The following CENPA variants were observed in gnomAD, a reference collection of about 807,000 sequenced individuals.
CENPA encodes the protein histone H3-like centromeric protein A.
Under a neutral mutation model 17.2 loss-of-function variants are expected in CENPA, and 7 were observed. The observed-to-expected ratio is 0.41, with a 90% CI of 0.23 to 0.76. The LOEUF is 0.76. CENPA is among the 30% of genes least tolerant of loss of function. CENPA has a pLI of 0.34. For synonymous variants in CENPA, 82 were observed against 77.4 expected (o/e 1.06, Z -0.31); for missense variants, 149 against 193.1 (o/e 0.77, Z 1.35).
intron 2 of CENPA, 35 bp downstream of exon 2, chr2:26,792,275 C>T: frequency 2.0e-6 from 3 of 1,532,210 alleles, no homozygotes; most frequent in Non-Finnish European, 2.7e-6. Context: ...ACCCCTATGC[C>T]ACCCTCCTTT....
chr2:26,793,374 A>C, intron 4 of CENPA, 48 bp downstream of exon 4: 1 of 1,509,910 alleles, frequency 6.6e-7, no homozygotes, highest in Non-Finnish European at 8.9e-7. Context: ...TTCTCAAGTA[A>C]TTTCCTTTCT....
rs532970049 is a variant in CENPA at position 26,789,567 on chromosome 2, C to A, written c.101-2564C>A. On this transcript the variant is annotated intron_variant, in intron 1 of 4. Transcript: ENST00000335756. ...TACCTATATCTAACTGCCTTTCTAC[C>A]TGAAGGCTCTTGGTTATGTTAAACT... 2.0e-5 allele frequency among the ~76,000 whole-genome samples: 3 copies of A among 152,138 alleles called. No homozygotes were observed. In the South Asian group the frequency reaches 6.2e-4, roughly 32 times the overall value.
intron 4 of CENPA, among the ~76,000 whole-genome samples, 160 bp downstream of exon 4, chr2:26,793,486 A>G (rs1361306582): frequency 3.3e-5 from 5 of 152,192 alleles, no homozygotes; most frequent in African/African-American, 1.2e-4. Context: ...CTTTTGTGCA[A>G]TGTTAGATAA....
intron 1 of CENPA, among the ~76,000 whole-genome samples, chr2:26,787,909 A>G (rs566371788): frequency 1.3e-5 from 2 of 152,242 alleles, no homozygotes; most frequent in South Asian, 4.1e-4. Flanking sequence ...TAACTTTTGA[A>G]TCTTCCGTTT....
At position 26,786,066 on chromosome 2, in the gene CENPA, C is replaced by T. The variant is rs980878381; in HGVS notation, c.-131C>T. Reference sequence around the variant, plus strand: ...GAACGCGAGCGGCGCGGACTTCTGCCAAGCACCGGCTCATGTGAGGCTCGC... The same window carrying T: ...GAACGCGAGCGGCGCGGACTTCTGCTAAGCACCGGCTCATGTGAGGCTCGC... On this transcript the variant is annotated 5_prime_UTR_variant, in exon 1 of 5. Transcript: ENST00000335756. 29 of 1,244,132 alleles carry T rather than the reference C, an allele frequency of 2.3e-5. No individual in the cohort carries two copies. The highest frequency in any genetic ancestry group is 2.9e-5 in the Non-Finnish European group (29 of 984,188). 77.1% of individuals were successfully genotyped at this position (1,244,132 alleles called of 1,614,324 possible).
In CENPA at chr2:26,793,293, G is replaced by C; in HGVS notation, c.*14G>C. 1 of 1,613,252 alleles carries C rather than the reference G, an allele frequency of 6.2e-7. No individual in the cohort carries two copies. The highest frequency in any genetic ancestry group is 1.1e-5 in the South Asian group (1 of 90,948). On this transcript the variant is annotated 3_prime_UTR_variant, in exon 4 of 5. Coordinates refer to ENST00000335756, the MANE Select transcript of CENPA (RefSeq NM_001809.4). ...GGACTCGGCTGAGCTCCTGCACCCA[G>C]TGTTTCTGTCAGTCTTTCCTGCTCA...
chr2:26,788,212 T>G (rs2148065942), intron 1 of CENPA, among the ~76,000 whole-genome samples: 1 of 152,306 alleles, frequency 6.6e-6, no homozygotes, highest in East Asian at 1.9e-4. Flanking sequence ...AGTGCAGTGG[T>G]GCTATCTTGG....
At chr2:26,786,750 T>C (rs1664514968) in intron 1 of CENPA, among the ~76,000 whole-genome samples, 1 of 152,270 alleles carries the variant, frequency 6.6e-6, no homozygotes, top group Non-Finnish European at 1.5e-5. Flanking sequence ...GCAAAAGTAT[T>C]GACTGCTTTC....
At position 26,793,981 on chromosome 2, in the gene CENPA, G is replaced by A. The variant is rs925871636; in HGVS notation, c.*217G>A. ...CCTCTGTAACAGAGGTAATATATGA[G>A]ACAATCAACACCGTTCCAAAGGCCT... On this transcript the variant is annotated 3_prime_UTR_variant, in exon 5 of 5. Transcript: ENST00000335756. 6.6e-6 allele frequency: 1 copy of A among 152,156 alleles called. No homozygotes were observed. Among genetic ancestry groups the A allele is most frequent in the African/African-American group, 2.4e-5 (1 of 41,412 alleles). 9.4% of individuals were successfully genotyped at this position (152,156 alleles called of 1,614,324 possible).
At chr2:26,787,954 A>T (rs1015455740) in intron 1 of CENPA, among the ~76,000 whole-genome samples, 2 of 152,074 alleles carry the variant, frequency 1.3e-5, no homozygotes, top group Non-Finnish European at 2.9e-5. Context: ...ATTGTATGGT[A>T]CTAGTAAGGC....
At chr2:26,786,787 T>C (rs563800076) in intron 1 of CENPA, among the ~76,000 whole-genome samples, 1 of 152,308 alleles carries the variant, frequency 6.6e-6, no homozygotes, top group South Asian at 2.1e-4. Context: ...AGGAGTCCTC[T>C]TAGGAGGTGT....
intron 1 of CENPA, among the ~76,000 whole-genome samples, chr2:26,787,880 CTA>C (rs1289786422): frequency 2.0e-5 from 3 of 151,968 alleles, no homozygotes; most frequent in African/African-American, 7.2e-5. Flanking sequence ...TTTAAGTAGA[CTA>C]TTATGTCATC....
intron 3 of CENPA, 100 bp from the exon 4 acceptor site, chr2:26,793,045 C>A (rs1664649188): frequency 2.0e-6 from 3 of 1,495,432 alleles, no homozygotes; most frequent in Admixed American, 1.8e-5. Flanking sequence ...TAGTTTCCTA[C>A]AATCCTTTGA....
chr2:26,792,799 A>G lies in CENPA; in HGVS notation c.254A>G (p.Asn85Ser), dbSNP rs148316156. 1.6e-4 allele frequency: 256 copies of G among 1,614,176 alleles called. No individual in the cohort carries two copies. In the African/African-American group the frequency reaches 2.5e-3, roughly 15 times the overall value. The change falls in exon 3 of 5, where the codon AAT becomes AGT. Residue 85 changes from asparagine (N) to serine (S), a missense_variant. Around this residue, in one of 2 missense-constraint regions of CENPA, gnomAD observed 54 missense variants for 105.7 expected, o/e 0.51. Transcript: ENST00000335756. The part of the protein sequence containing the change: ...CVKFTRGVDF[N>S]WQAQALLALQ... ...AAATTCACTCGTGGTGTGGACTTCAATTGGCAAGCCCAGGCCCTATTGGCC... is the reference window on the plus strand; with the variant it reads ...AAATTCACTCGTGGTGTGGACTTCAGTTGGCAAGCCCAGGCCCTATTGGCC...
chr2:26,787,019 T>G (rs1341947206), intron 1 of CENPA, among the ~76,000 whole-genome samples: 3 of 152,242 alleles, frequency 2.0e-5, no homozygotes, highest in Non-Finnish European at 4.4e-5. Flanking sequence ...ACTTATCTCT[T>G]AACTCTTGCT....
chr2:26,792,060 C>T, intron 1 of CENPA, 71 bp from the exon 2 acceptor site: 1 of 1,289,352 alleles, frequency 7.8e-7, no homozygotes, highest in Non-Finnish European at 1.1e-6. Flanking sequence ...AGCAATTTGA[C>T]AGCTTACCTG....
At chr2:26,792,319 G>C (rs1664635279) in intron 2 of CENPA, 79 bp downstream of exon 2, 2 of 1,093,762 alleles carry the variant, frequency 1.8e-6, no homozygotes, top group African/African-American at 1.6e-5. Context: ...GGACCCTACT[G>C]TCTCTTAACT....
intron 1 of CENPA, among the ~76,000 whole-genome samples, chr2:26,787,450 C>A (rs538141758): frequency 2.0e-5 from 3 of 150,750 alleles, no homozygotes; most frequent in Non-Finnish European, 4.4e-5. Context: ...CTCCTGACCT[C>A]GTGATCCGCC....
chr2:26,793,318 AGC>A lies in CENPA; in HGVS notation c.*40_*41del. The A allele has an allele frequency of 6.2e-7, 1 of 1,610,288 alleles. No individual in the cohort carries two copies. The highest frequency in any genetic ancestry group is 8.5e-7 in the Non-Finnish European group (1 of 1,178,750). ...GTGTTTCTGTCAGTCTTTCCTGCTC[AGC>A]CAGGGGGTAAGCTCATCCTCTTTCA... On this transcript the variant is annotated 3_prime_UTR_variant, in exon 4 of 5. Coordinates refer to ENST00000335756, the MANE Select transcript of CENPA (RefSeq NM_001809.4).
Sources: allele counts gnomAD v4.1 joint callset (sites outside exome capture counted in the v4.1 genomes callset), GRCh38; gene constraint gnomAD v4.1.1; regional missense constraint gnomAD v4.1.1; transcripts MANE v1.5; gene names NCBI Gene and HGNC (gene_info 2026-07-23, HGNC 2026-07-21).